CDH4: variants seen among roughly 807,000 people sequenced by gnomAD.
CDH4 encodes cadherin 4, also known as cadherin-4.
A neutral mutation model predicts 86.0 loss-of-function variants in CDH4; 33 were observed. That is an observed-to-expected ratio of 0.38 (90% CI 0.29 to 0.51). The LOEUF is 0.51. Ranked by LOEUF, CDH4 falls within the 20% of genes least tolerant of loss-of-function variation. The pLI, the probability that CDH4 is intolerant of heterozygous loss-of-function variation, is 0.86. For synonymous variants in CDH4, 555 were observed against 549.4 expected, an observed-to-expected ratio of 1.01 and a Z score of -0.14; for missense variants, 1,114 against 1,307.4, an observed-to-expected ratio of 0.85 and a Z score of 2.28.
At chr20:61,868,505 AG>A (rs1983648473) in intron 6 of CDH4, among the ~76,000 whole-genome samples, 2 of 152,174 alleles carry the variant, frequency 1.3e-5, no homozygotes, top group African/African-American at 4.8e-5. Flanking sequence ...AGTAGAGGGA[AG>A]GGCCAGCATC....
chr20:61,735,193 G>A (rs2145930864), intron 2 of CDH4, among the ~76,000 whole-genome samples: 1 of 152,332 alleles, frequency 6.6e-6, no homozygotes, highest in Non-Finnish European at 1.5e-5. Flanking sequence ...TCAGGATGCG[G>A]TTGGGGCCCC....
intron 2 of CDH4, among the ~76,000 whole-genome samples, chr20:61,281,294 T>C (rs1261494161): frequency 2.0e-5 from 3 of 151,864 alleles, no homozygotes; most frequent in Non-Finnish European, 4.4e-5. Context: ...GGGAGGTGAG[T>C]AGGTCACGAA....
At chr20:61,570,819 G>A (rs972381252) in intron 2 of CDH4, 13 of 701,124 alleles carry the variant, frequency 1.9e-5, no homozygotes, top group Non-Finnish European at 3.1e-5. Flanking sequence ...GCGCCAGGGG[G>A]TTGCTGCTGT....
intron 2 of CDH4, among the ~76,000 whole-genome samples, chr20:61,385,476 TG>T (rs2084946050): frequency 6.6e-6 from 1 of 151,670 alleles, no homozygotes; most frequent in African/African-American, 2.4e-5. Context: ...CCTTGGATTG[TG>T]GTCTCAAGAA....
intron 2 of CDH4, among the ~76,000 whole-genome samples, chr20:61,644,983 G>A (rs1429500792): frequency 2.0e-5 from 3 of 152,304 alleles, no homozygotes; most frequent in African/African-American, 4.8e-5. Context: ...TGTGGGCGCC[G>A]GCTCTCTGTG....
At chr20:61,263,671 A>C (rs567767048) in intron 2 of CDH4, among the ~76,000 whole-genome samples, 1 of 152,208 alleles carries the variant, frequency 6.6e-6, no homozygotes, top group South Asian at 2.1e-4. Context: ...AAATCCCCAC[A>C]TATGTAGCAG....
rs1440186728 is a variant in CDH4 at position 61,934,719 on chromosome 20, C to A, written c.2544+499C>A. Among the ~76,000 whole-genome samples, 3 of 150,850 alleles carry A rather than the reference C, an allele frequency of 2.0e-5. No homozygotes were observed. The East Asian group carries it at 5.9e-4, about 30-fold the overall frequency. ...GGTCTCAGGGCCCAGGCCAACTTGCCCCCCCTCCCCACCCCACCCCACACC... is the reference window on the plus strand; with the variant it reads ...GGTCTCAGGGCCCAGGCCAACTTGCACCCCCTCCCCACCCCACCCCACACC... On this transcript the variant is annotated intron_variant, in intron 15 of 15. Transcript: ENST00000614565.
At chr20:61,776,057 G>A (rs77495242) in intron 4 of CDH4, among the ~76,000 whole-genome samples, 1,633 of 152,288 alleles carry the variant, frequency 0.011, 27 homozygotes, top group African/African-American at 0.037. Context: ...GCTGGGACAG[G>A]CCCCATGAAA....
At chr20:61,610,978 C>G (rs1228400548) in intron 2 of CDH4, among the ~76,000 whole-genome samples, 2 of 151,078 alleles carry the variant, frequency 1.3e-5, no homozygotes, top group Non-Finnish European at 2.9e-5. Flanking sequence ...GTCTGGTGGC[C>G]CAGACGGCCA....
At chr20:61,833,993 G>A (rs538526964) in intron 4 of CDH4, among the ~76,000 whole-genome samples, 163 of 152,342 alleles carry the variant, frequency 1.1e-3, no homozygotes, top group African/African-American at 3.5e-3. Context: ...TTGGCCCAGC[G>A]TGGGTCACAT....
chr20:61,332,058 G>A (rs2084584371), intron 2 of CDH4, among the ~76,000 whole-genome samples: 1 of 152,208 alleles, frequency 6.6e-6, no homozygotes, highest in Non-Finnish European at 1.5e-5. Context: ...GTATCTCTGA[G>A]TGGACAGAGG....
At chr20:61,457,977 G>C (rs2085418470) in intron 2 of CDH4, among the ~76,000 whole-genome samples, 1 of 150,794 alleles carries the variant, frequency 6.6e-6, no homozygotes, top group African/African-American at 2.5e-5. Flanking sequence ...TGGTCATGAT[G>C]ATGACAGTGC....
intron 2 of CDH4, among the ~76,000 whole-genome samples, chr20:61,546,344 C>T (rs6142795): frequency 0.63 from 95,538 of 150,618 alleles, 30,862 homozygotes; most frequent in Non-Finnish European, 0.71. Flanking sequence ...TGTGTATATG[C>T]GTGTGTGTGG....
In CDH4 at chr20:61,565,292, G is replaced by A. The variant is rs1254521279; in HGVS notation, c.170-178271G>A. On this transcript the variant is annotated intron_variant, in intron 2 of 15. Coordinates refer to ENST00000614565, the MANE Select transcript of CDH4 (RefSeq NM_001794.5). ...TGGTCCTCTTGGTGATGGGGTGATG[G>A]TGGTGGCGGTGCTCTTGGTGGTGGC... Among the ~76,000 whole-genome samples the A allele has an allele frequency of 2.2e-3, 140 of 63,400 alleles. 3 individuals carry two copies. Among genetic ancestry groups the A allele is most frequent in the Non-Finnish European group, 3.7e-3 (112 of 30,546 alleles). The allele number at this position is 63,400 out of a possible 152,430, so 41.6% of individuals were successfully genotyped here.
At chr20:61,509,153 G>A in intron 2 of CDH4, among the ~76,000 whole-genome samples, 1 of 152,152 alleles carries the variant, frequency 6.6e-6, no homozygotes, top group East Asian at 1.9e-4. Flanking sequence ...CAGCAGGAGA[G>A]CCAGCTGCCT....
At chr20:61,741,346 G>A (rs778985575) in intron 2 of CDH4, among the ~76,000 whole-genome samples, 20 of 152,170 alleles carry the variant, frequency 1.3e-4, no homozygotes, top group Admixed American at 4.6e-4. Flanking sequence ...GGGTCTCTCC[G>A]GCAGGGAACG....
At chr20:61,576,096 C>T (rs149305305) in intron 2 of CDH4, among the ~76,000 whole-genome samples, 73 of 152,254 alleles carry the variant, frequency 4.8e-4, no homozygotes, top group African/African-American at 1.6e-3. Context: ...GCTCCCCATT[C>T]GGAGGCACGC....
chr20:61,845,597 C>T (rs987754759), intron 5 of CDH4, among the ~76,000 whole-genome samples: 3 of 152,242 alleles, frequency 2.0e-5, no homozygotes, highest in Admixed American at 2.0e-4. Flanking sequence ...GAGGGTCACA[C>T]CCCGACCTGC....
At chr20:61,401,852 C>G (rs1600943671) in intron 2 of CDH4, among the ~76,000 whole-genome samples, 1 of 152,152 alleles carries the variant, frequency 6.6e-6, no homozygotes, top group African/African-American at 2.4e-5. Flanking sequence ...GAACGGAGGC[C>G]CATGAAAGAA....
Sources: gnomAD v4.1 joint callset for allele counts (sites outside exome capture counted in the v4.1 genomes callset) on GRCh38, gnomAD v4.1.1 for gene constraint, MANE v1.5 for transcripts, NCBI Gene and HGNC (gene_info 2026-07-23, HGNC 2026-07-21) for gene names.